FSTL4: variants seen among roughly 807,000 people sequenced by gnomAD.
FSTL4 encodes follistatin-related protein 4.
FSTL4 carries 28 observed loss-of-function variants against 78.2 expected under a neutral mutation model. The ratio of observed to expected loss-of-function variants is 0.36; its 90% confidence interval spans 0.27 to 0.49. The LOEUF (loss-of-function observed/expected upper bound fraction) is 0.49. Ranked by LOEUF, FSTL4 falls within the 20% of genes least tolerant of loss-of-function variation. The probability of loss-of-function intolerance (pLI) is 0.98; values close to 1 mark genes in which losing one functional copy is unlikely to be tolerated. For missense variants in FSTL4, 922 were observed against 1,084.9 expected, an observed-to-expected ratio of 0.85 and a Z score of 2.11; for synonymous variants, 422 against 440.5, an observed-to-expected ratio of 0.96 and a Z score of 0.53.
intron 4 of FSTL4, among the ~76,000 whole-genome samples, chr5:133,394,991 TG>T (rs1177601982): frequency 6.6e-6 from 1 of 152,158 alleles, no homozygotes; most frequent in East Asian, 1.9e-4. Context: ...AGTGGGGACT[TG>T]GAGAACTTTT....
intron 4 of FSTL4, among the ~76,000 whole-genome samples, chr5:133,374,004 C>T (rs1394018474): frequency 1.3e-5 from 2 of 152,180 alleles, no homozygotes; most frequent in African/African-American, 4.8e-5. Context: ...GGCTAAGCTG[C>T]TTGCCTCTGC....
At chr5:133,455,913 T>A (rs564590198) in intron 3 of FSTL4, among the ~76,000 whole-genome samples, 15 of 152,302 alleles carry the variant, frequency 9.8e-5, no homozygotes, top group African/African-American at 3.6e-4. Context: ...CACCCAGAAG[T>A]TCATGTGCAT....
chr5:133,607,983 G>A (rs1193046110), intron 1 of FSTL4, among the ~76,000 whole-genome samples: 1 of 152,160 alleles, frequency 6.6e-6, no homozygotes, highest in African/African-American at 2.4e-5. Context: ...TCAGCTCACG[G>A]AGAGCACCAG....
At chr5:133,725,549 A>T in the FSTL4 span, among the ~76,000 whole-genome samples, 1 of 152,104 alleles carries the variant, frequency 6.6e-6, no homozygotes, top group East Asian at 1.9e-4. Context: ...TCCCGCCTCT[A>T]TTTCACTCCT....
chr5:133,830,610 C>T, the FSTL4 span, among the ~76,000 whole-genome samples: 1 of 152,188 alleles, frequency 6.6e-6, no homozygotes, highest in Non-Finnish European at 1.5e-5. Flanking sequence ...AGAAAATCAT[C>T]CCCACTTCCC....
In FSTL4 at chr5:133,338,809, C is replaced by A. The variant is rs1270105470; in HGVS notation, c.410-22157G>T. Among the ~76,000 whole-genome samples, 1 of 152,168 alleles carries A rather than the reference C, an allele frequency of 6.6e-6. No individual in the cohort carries two copies. The highest frequency in any genetic ancestry group is 2.4e-5 in the African/African-American group (1 of 41,434). ...CGCACACCTGGCACTACCTCACCAT[C>A]TTGCCCATCCCCAGCCAATCAGTCC... On this transcript the variant is annotated intron_variant, in intron 4 of 15. Coordinates refer to ENST00000265342, the MANE Select transcript of FSTL4 (RefSeq NM_015082.2). This position sits in a 1 kb window ranked among gnomAD's most constrained non-coding sequence, Gnocchi z 4.0.
chr5:133,445,116 C>G (rs1019179975), intron 3 of FSTL4, among the ~76,000 whole-genome samples: 2 of 152,250 alleles, frequency 1.3e-5, no homozygotes, highest in Admixed American at 6.5e-5. Context: ...GCAATCCAGA[C>G]CTGCTTCTGC....
At chr5:133,643,956 G>GC in the FSTL4 span, among the ~76,000 whole-genome samples, 35,675 of 152,138 alleles carry the variant, frequency 0.23, 4,702 homozygotes, top group Admixed American at 0.35. Context: ...TTAGTGCTTT[G>GC]AGGGAGGCCA....
the FSTL4 span, among the ~76,000 whole-genome samples, chr5:133,796,528 G>C: frequency 6.6e-6 from 1 of 152,126 alleles, no homozygotes; most frequent in African/African-American, 2.4e-5. Context: ...GCCAGAAGTG[G>C]GGGATGGAAT....
At chr5:133,400,092 C>T (rs1000593336) in intron 4 of FSTL4, among the ~76,000 whole-genome samples, 7 of 152,212 alleles carry the variant, frequency 4.6e-5, no homozygotes, top group African/African-American at 1.4e-4. Flanking sequence ...TAGCCGCTGC[C>T]CTAATGGTTC....
chr5:133,763,112 C>A, the FSTL4 span, among the ~76,000 whole-genome samples: 1 of 152,192 alleles, frequency 6.6e-6, no homozygotes, highest in African/African-American at 2.4e-5. Flanking sequence ...ATGCTGAGAA[C>A]CACTCATCTC....
At chr5:133,302,715 A>G (rs557554994) in intron 6 of FSTL4, among the ~76,000 whole-genome samples, 2 of 152,260 alleles carry the variant, frequency 1.3e-5, no homozygotes, top group Non-Finnish European at 2.9e-5. Context: ...CAGCTCACAG[A>G]CCACTGTGTG....
At chr5:133,471,400 A>AC (rs1376051068) in intron 3 of FSTL4, among the ~76,000 whole-genome samples, 7 of 151,770 alleles carry the variant, frequency 4.6e-5, no homozygotes, top group Non-Finnish European at 1.0e-4. Flanking sequence ...TGAAATCTTA[A>AC]CCCCCAAGGT....
chr5:133,822,345 C>T, the FSTL4 span, among the ~76,000 whole-genome samples: 1 of 152,154 alleles, frequency 6.6e-6, no homozygotes, highest in African/African-American at 2.4e-5. Flanking sequence ...CCAGTGTCTG[C>T]AAATAATCTG....
At chr5:133,808,488 G>A in the FSTL4 span, among the ~76,000 whole-genome samples, 1 of 152,244 alleles carries the variant, frequency 6.6e-6, no homozygotes, top group Non-Finnish European at 1.5e-5. Flanking sequence ...TTGAGGGCTA[G>A]TGTGAAGCAG....
At chr5:133,340,350 T>C (rs1351355699) in intron 4 of FSTL4, among the ~76,000 whole-genome samples, 1 of 152,086 alleles carries the variant, frequency 6.6e-6, no homozygotes, top group African/African-American at 2.4e-5. Flanking sequence ...TGGAAGGTTC[T>C]GGGGGTCAAT....
intron 14 of FSTL4, among the ~76,000 whole-genome samples, chr5:133,202,294 G>A (rs1302807249): frequency 1.3e-5 from 2 of 152,212 alleles, no homozygotes; most frequent in Non-Finnish European, 2.9e-5. Flanking sequence ...TCTGCCCCAT[G>A]GTTAAGCCTG....
the FSTL4 span, among the ~76,000 whole-genome samples, chr5:133,628,125 G>A: frequency 6.6e-6 from 1 of 152,124 alleles, no homozygotes; most frequent in African/African-American, 2.4e-5. Flanking sequence ...TGTTTAGAGG[G>A]AAATTTATAG....
intron 4 of FSTL4, among the ~76,000 whole-genome samples, chr5:133,379,727 C>T (rs13186582): frequency 0.13 from 20,488 of 152,124 alleles, 1,459 homozygotes; most frequent in Non-Finnish European, 0.15. Context: ...ACAAAACTTA[C>T]GAGATGTAGT....
Sources: allele counts gnomAD v4.1 joint callset (sites outside exome capture counted in the v4.1 genomes callset), GRCh38; gene constraint gnomAD v4.1.1; non-coding constraint Gnocchi (gnomAD v3.1); transcripts MANE v1.5; gene names NCBI Gene and HGNC (gene_info 2026-07-23, HGNC 2026-07-21).